NRXN3: variants seen among roughly 807,000 people sequenced by gnomAD.
NRXN3 encodes the protein neurexin 3.
Under a neutral mutation model 137.6 loss-of-function variants are expected in NRXN3, and 32 were observed. The observed-to-expected ratio is 0.23, with a 90% CI of 0.18 to 0.31. The LOEUF (loss-of-function observed/expected upper bound fraction) is 0.31, where lower values mean the gene tolerates loss of function less well. Ranked by LOEUF, NRXN3 falls within the 10% of genes least tolerant of loss-of-function variation. The pLI, the probability that NRXN3 is intolerant of heterozygous loss-of-function variation, is 1.00. For missense variants in NRXN3, 1,574 were observed against 2,062.5 expected, an observed-to-expected ratio of 0.76 and a Z score of 4.59; for synonymous variants, 798 against 784.5, an observed-to-expected ratio of 1.02 and a Z score of -0.29.
At chr14:79,174,208 A>G (rs1301155458) in intron 15 of NRXN3, among the ~76,000 whole-genome samples, 1 of 152,196 alleles carries the variant, frequency 6.6e-6, no homozygotes, top group African/African-American at 2.4e-5. Flanking sequence ...ATTTTTGCAA[A>G]TTGATAACTG....
At chr14:79,701,640 C>T (rs751180480) in intron 19 of NRXN3, among the ~76,000 whole-genome samples, 1 of 152,012 alleles carries the variant, frequency 6.6e-6, no homozygotes, top group Non-Finnish European at 1.5e-5. Context: ...TTTTATATAG[C>T]CTGGGCTGGG....
chr14:79,730,609 A>G (rs1340593147), intron 19 of NRXN3, among the ~76,000 whole-genome samples: 1 of 152,164 alleles, frequency 6.6e-6, no homozygotes, highest in Admixed American at 6.5e-5. Context: ...CAGTGAGTAC[A>G]TTTTTATCTC....
intron 10 of NRXN3, among the ~76,000 whole-genome samples, chr14:78,854,793 TG>T (rs2099052250): frequency 6.6e-6 from 1 of 152,136 alleles, no homozygotes; most frequent in Non-Finnish European, 1.5e-5. Context: ...ATATATGGGC[TG>T]GGCACGGTGG....
chr14:79,772,761 G>C (rs2099083072), intron 19 of NRXN3, among the ~76,000 whole-genome samples: 1 of 151,966 alleles, frequency 6.6e-6, no homozygotes, highest in Admixed American at 6.6e-5. Flanking sequence ...GGCAACCAAA[G>C]CCAAAATTGA....
chr14:79,749,288 T>A (rs550707739), intron 19 of NRXN3, among the ~76,000 whole-genome samples: 1 of 152,202 alleles, frequency 6.6e-6, no homozygotes, highest in South Asian at 2.1e-4. Context: ...GCTGCTTCAC[T>A]ATGCATGAGA....
intron 4 of NRXN3, among the ~76,000 whole-genome samples, chr14:78,422,094 A>G (rs17107537): frequency 0.26 from 39,269 of 151,954 alleles, 7,471 homozygotes; most frequent in African/African-American, 0.52. Context: ...AGGATCGGAG[A>G]AGTGATGTGT....
chr14:78,373,633 G>T (rs894038263), intron 4 of NRXN3, among the ~76,000 whole-genome samples: 1 of 152,164 alleles, frequency 6.6e-6, no homozygotes, highest in Admixed American at 6.5e-5. Flanking sequence ...CCTCAATGTG[G>T]TGATCCAACA....
Position 79,579,378 on chromosome 14 carries a change from T to TAA in NRXN3, c.3445-84399_3445-84398dup, listed in dbSNP as rs2097694705. On this transcript the variant is annotated intron_variant, in intron 16 of 20. Coordinates refer to ENST00000335750, the MANE Select transcript of NRXN3 (RefSeq NM_001330195.2). ...TATATATATATATATAATATATATA[T>TAA]AATTTCAGCATTAAGGAGACATTGT... 2.0e-5 allele frequency among the ~76,000 whole-genome samples: 3 copies of TAA among 146,706 alleles called. No homozygotes were observed. In the South Asian group the frequency reaches 6.3e-4, roughly 31 times the overall value.
At chr14:79,060,479 A>G (rs1032855137) in intron 15 of NRXN3, among the ~76,000 whole-genome samples, 13 of 152,274 alleles carry the variant, frequency 8.5e-5, no homozygotes, top group African/African-American at 2.6e-4. Context: ...CTCCATCTCT[A>G]TTCCTATGAT....
At chr14:79,671,441 C>T (rs2098607246) in intron 17 of NRXN3, among the ~76,000 whole-genome samples, 1 of 152,048 alleles carries the variant, frequency 6.6e-6, no homozygotes, top group South Asian at 2.1e-4. Context: ...GTCAGCATTT[C>T]CTTGGGCATC....
chr14:78,805,544 T>C (rs1431948907), intron 9 of NRXN3, among the ~76,000 whole-genome samples: 1 of 148,728 alleles, frequency 6.7e-6, no homozygotes, highest in African/African-American at 2.5e-5. Context: ...AATATAAGAG[T>C]GTGTTACCTA....
intron 16 of NRXN3, among the ~76,000 whole-genome samples, chr14:79,566,043 G>C (rs1248444532): frequency 6.6e-6 from 1 of 151,994 alleles, no homozygotes; most frequent in Non-Finnish European, 1.5e-5. Flanking sequence ...TCTTTTTCTG[G>C]GGGGCAGGAG....
intron 15 of NRXN3, among the ~76,000 whole-genome samples, chr14:78,998,955 A>C (rs978575591): frequency 6.6e-6 from 1 of 151,938 alleles, no homozygotes; most frequent in Non-Finnish European, 1.5e-5. Context: ...CATTGATTTG[A>C]CTTGAAAAGC....
chr14:78,662,549 T>A (rs1602069588), intron 6 of NRXN3, among the ~76,000 whole-genome samples: 1 of 152,124 alleles, frequency 6.6e-6, no homozygotes, highest in Non-Finnish European at 1.5e-5. Context: ...AAGTAGAGAC[T>A]GGGCAACCAT....
chr14:78,419,903 CAT>C (rs1346388563), intron 4 of NRXN3, among the ~76,000 whole-genome samples: 5 of 151,882 alleles, frequency 3.3e-5, no homozygotes, highest in South Asian at 2.1e-4. Flanking sequence ...CAGGACTTTA[CAT>C]GTGTGTGTGT....
chr14:79,460,722 C>T (rs2096324153), intron 15 of NRXN3, among the ~76,000 whole-genome samples: 1 of 152,142 alleles, frequency 6.6e-6, no homozygotes, highest in African/African-American at 2.4e-5. Flanking sequence ...ATAGATTGCC[C>T]CACAGGGAGG....
chr14:78,181,351 C>A (rs1341631753), intron 1 of NRXN3, among the ~76,000 whole-genome samples: 2 of 152,214 alleles, frequency 1.3e-5, no homozygotes, highest in African/African-American at 4.8e-5. Flanking sequence ...AGGTGGAGAT[C>A]TCTAGGGGTA....
chr14:78,413,473 C>G (rs915773947), intron 4 of NRXN3, among the ~76,000 whole-genome samples: 1 of 152,058 alleles, frequency 6.6e-6, no homozygotes, highest in African/African-American at 2.4e-5. Context: ...TCAGTAGAGA[C>G]GAGGTTTCTC....
chr14:79,344,668 G>C (rs1301889878), intron 15 of NRXN3, among the ~76,000 whole-genome samples: 1 of 151,854 alleles, frequency 6.6e-6, no homozygotes, highest in Non-Finnish European at 1.5e-5. Context: ...GTAAAAATAA[G>C]AAACAGATTC....
Sources: allele counts gnomAD v4.1 joint callset (sites outside exome capture counted in the v4.1 genomes callset), GRCh38; gene constraint gnomAD v4.1.1; transcripts MANE v1.5; gene names NCBI Gene and HGNC (gene_info 2026-07-23, HGNC 2026-07-21).